The following CSMD1 variants were observed in gnomAD, a reference collection of about 807,000 sequenced individuals.
The protein encoded by CSMD1 is CUB and sushi domain-containing protein 1.
CSMD1 carries 213 observed loss-of-function variants against 417.5 expected under a neutral mutation model. That is an observed-to-expected ratio of 0.51 (90% CI 0.46 to 0.57). The LOEUF (loss-of-function observed/expected upper bound fraction) is 0.57, where lower values mean the gene tolerates loss of function less well. Ranked by LOEUF, CSMD1 falls within the 20% of genes least tolerant of loss-of-function variation. The pLI, the probability that CSMD1 is intolerant of heterozygous loss-of-function variation, is 0.00. For missense variants in CSMD1, 6,923 were observed against 4,529.7 expected (o/e 1.53, Z -15.17); for synonymous variants, 2,862 against 1,736.8 (o/e 1.65, Z -16.11).
chr8:3,751,727 G>C (rs1487867789), intron 6 of CSMD1, among the ~76,000 whole-genome samples: 2 of 151,778 alleles, frequency 1.3e-5, no homozygotes, highest in South Asian at 2.1e-4. Context: ...TACCATCTTG[G>C]AGCAGCTTCA....
At chr8:3,086,791 A>G (rs974527627) in intron 49 of CSMD1, among the ~76,000 whole-genome samples, 1 of 152,236 alleles carries the variant, frequency 6.6e-6, no homozygotes, top group Non-Finnish European at 1.5e-5. Flanking sequence ...ATACAATGGT[A>G]AAGAAAAATT....
At chr8:3,092,565 G>C (rs963818159) in intron 47 of CSMD1, among the ~76,000 whole-genome samples, 2 of 152,038 alleles carry the variant, frequency 1.3e-5, no homozygotes, top group Admixed American at 6.5e-5. Flanking sequence ...AGGGCCTAAA[G>C]TAAATTTGAC....
intron 2 of CSMD1, among the ~76,000 whole-genome samples, chr8:4,625,264 T>A (rs1025223952): frequency 6.6e-6 from 1 of 152,062 alleles, no homozygotes; most frequent in African/African-American, 2.4e-5. Flanking sequence ...GAACGCCAGT[T>A]AATTTTCCTT....
intron 1 of CSMD1, among the ~76,000 whole-genome samples, chr8:4,824,577 G>C (rs1186035705): frequency 1.3e-5 from 2 of 152,126 alleles, no homozygotes; most frequent in African/African-American, 4.8e-5. Context: ...TCTCAAACAA[G>C]ACAGTCTTTC....
chr8:3,396,952 T>C (rs1811739785), intron 16 of CSMD1, among the ~76,000 whole-genome samples: 1 of 152,160 alleles, frequency 6.6e-6, no homozygotes, highest in African/African-American at 2.4e-5. Flanking sequence ...ATGGGTATGT[T>C]GCCATTTCAG....
chr8:3,631,711 T>C (rs991356879), intron 7 of CSMD1, among the ~76,000 whole-genome samples: 1 of 152,234 alleles, frequency 6.6e-6, no homozygotes, highest in Admixed American at 6.5e-5. Context: ...GAAATTTTAC[T>C]GTTCGAGAAA....
chr8:3,514,675 A>G (rs984732794), intron 10 of CSMD1, among the ~76,000 whole-genome samples: 1 of 152,044 alleles, frequency 6.6e-6, no homozygotes, highest in African/African-American at 2.4e-5. Context: ...TTTTTATCAT[A>G]TTTGTAGGTA....
At chr8:3,877,950 C>A (rs1439624138) in intron 5 of CSMD1, among the ~76,000 whole-genome samples, 1 of 151,592 alleles carries the variant, frequency 6.6e-6, no homozygotes. Flanking sequence ...TTGTCTACAT[C>A]AAGGTCATGC....
At chr8:3,988,081 T>C (rs1814470538) in intron 5 of CSMD1, among the ~76,000 whole-genome samples, 1 of 152,212 alleles carries the variant, frequency 6.6e-6, no homozygotes, top group Non-Finnish European at 1.5e-5. Context: ...AGGGAAGCTG[T>C]TGAAATATTG....
At chr8:3,174,438 T>A (rs909016979) in intron 37 of CSMD1, among the ~76,000 whole-genome samples, 11 of 152,132 alleles carry the variant, frequency 7.2e-5, no homozygotes, top group African/African-American at 2.7e-4. Flanking sequence ...GAGACTGAAG[T>A]GAGCTGAGAT....
intron 12 of CSMD1, among the ~76,000 whole-genome samples, chr8:3,451,744 T>C (rs1815735687): frequency 1.3e-5 from 2 of 152,220 alleles, no homozygotes; most frequent in South Asian, 2.1e-4. Flanking sequence ...TGAAGTCAGG[T>C]AGCATGACGC....
At chr8:4,009,516 C>A (rs965149565) in intron 4 of CSMD1, among the ~76,000 whole-genome samples, 2 of 152,158 alleles carry the variant, frequency 1.3e-5, no homozygotes, top group Admixed American at 6.5e-5. Flanking sequence ...TTATAATATT[C>A]CTTCAGTGAA....
At chr8:4,435,410 C>A (rs181599615) in intron 2 of CSMD1, among the ~76,000 whole-genome samples, 50 of 152,292 alleles carry the variant, frequency 3.3e-4, no homozygotes, top group Middle Eastern at 3.4e-3. Context: ...CCAAAGAAGT[C>A]ACCATGCAGG....
chr8:3,266,306 C>A (rs73500054), intron 26 of CSMD1, among the ~76,000 whole-genome samples: 3,961 of 151,294 alleles, frequency 0.026, 155 homozygotes, highest in African/African-American at 0.089. Context: ...TGCAAGGGGC[C>A]GTTTAAGAGA....
intron 7 of CSMD1, among the ~76,000 whole-genome samples, chr8:3,700,192 C>T (rs1474704510): frequency 6.6e-6 from 1 of 152,124 alleles, no homozygotes; most frequent in Non-Finnish European, 1.5e-5. Flanking sequence ...CAACATCTCA[C>T]AAATCACCAC....
intron 10 of CSMD1, among the ~76,000 whole-genome samples, chr8:3,530,735 G>C (rs1255351560): frequency 6.6e-6 from 1 of 152,008 alleles, no homozygotes; most frequent in Non-Finnish European, 1.5e-5. Context: ...CACCATGTTG[G>C]CCAGGCTGGT....
intron 3 of CSMD1, among the ~76,000 whole-genome samples, chr8:4,262,336 T>A (rs976612395): frequency 6.6e-6 from 1 of 152,166 alleles, no homozygotes; most frequent in African/African-American, 2.4e-5. Flanking sequence ...CTTTTTTTCA[T>A]TTCTGCAATC....
At chr8:4,158,806 T>C (rs1475168523) in intron 3 of CSMD1, among the ~76,000 whole-genome samples, 1 of 152,234 alleles carries the variant, frequency 6.6e-6, no homozygotes, top group Non-Finnish European at 1.5e-5. Context: ...CCCAAGTTTA[T>C]CATATGGGAT....
At position 4,266,358 on chromosome 8, in the gene CSMD1, T is replaced by C. The variant is rs150526578; in HGVS notation, c.415+153595A>G. On this transcript the variant is annotated intron_variant, in intron 3 of 69. Coordinates refer to ENST00000635120, the MANE Select transcript of CSMD1 (RefSeq NM_033225.6). Reference sequence around the variant, plus strand: ...TTGGAGAAAAACAAACACAACTTTTTAATATTTTCAAGAATATATTTGAAA... The same window carrying C: ...TTGGAGAAAAACAAACACAACTTTTCAATATTTTCAAGAATATATTTGAAA... Among the ~76,000 whole-genome samples the C allele has an allele frequency of 6.3e-3, 662 of 105,714 alleles. 112 individuals are homozygous for C. Among genetic ancestry groups the C allele is most frequent in the African/African-American group, 0.016 (629 of 38,718 alleles). The allele number at this position is 105,714 out of a possible 152,430, so 69.4% of individuals were successfully genotyped here.
Sources: allele counts gnomAD v4.1 joint callset (sites outside exome capture counted in the v4.1 genomes callset), GRCh38; gene constraint gnomAD v4.1.1; transcripts MANE v1.5; gene names NCBI Gene and HGNC (gene_info 2026-07-23, HGNC 2026-07-21).